Variants in GPR153 observed in about 807,000 individuals in gnomAD.
The protein encoded by GPR153 is G protein-coupled receptor 153.
GPR153 carries 27 observed loss-of-function variants against 34.1 expected under a neutral mutation model. That is an observed-to-expected ratio of 0.79 (90% CI 0.58 to 1.09). The LOEUF is 1.09. Ranked by LOEUF, GPR153 falls within the 50% of genes least tolerant of loss-of-function variation. The probability of loss-of-function intolerance (pLI) is 0.00; values close to 1 mark genes in which losing one functional copy is unlikely to be tolerated. For synonymous variants in GPR153, 408 were observed against 405.4 expected, an observed-to-expected ratio of 1.01 and a Z score of -0.08; for missense variants, 848 against 860.2, an observed-to-expected ratio of 0.99 and a Z score of 0.18.
rs1638596482 is a variant in GPR153, at chr1:6,257,798, G to A, written c.-109-2784C>T. ...CCATCCTGCCAGAGGGCTGGGCAGC[G>A]AGTCCTTCCCTCACCCTTCCCAGCC... On this transcript the variant is annotated intron_variant, in intron 1 of 5. Transcript: ENST00000377893. Among the ~76,000 whole-genome samples the A allele has an allele frequency of 3.3e-5, 5 of 152,246 alleles. 1 individual carries two copies. The South Asian group carries it at 8.3e-4, about 25-fold the overall frequency.
At position 6,261,055 on chromosome 1, in the gene GPR153, C is replaced by A. The variant is rs985402223; in HGVS notation, c.-340G>T. ...CCCCTAGGCGCCGCCGCCGCCGCCGCGCTTCGCTCAGCTCCCGCCGCTCCG... is the reference window on the plus strand; with the variant it reads ...CCCCTAGGCGCCGCCGCCGCCGCCGAGCTTCGCTCAGCTCCCGCCGCTCCG... On this transcript the variant is annotated 5_prime_UTR_variant, in exon 1 of 6. Transcript: ENST00000377893. 1 of 148,222 alleles carries A rather than the reference C, an allele frequency of 6.7e-6. No individual in the cohort carries two copies. The highest frequency in any genetic ancestry group is 6.7e-5 in the Admixed American group (1 of 14,896). The allele number at this position is 148,222 out of a possible 1,614,324, so 9.2% of individuals were successfully genotyped here. A position where few individuals can be genotyped will look rare whatever the true frequency, so the allele number is the denominator to read the frequency against.
At chr1:6,256,824 G>C (rs2057006) in intron 1 of GPR153, among the ~76,000 whole-genome samples, 86,495 of 151,980 alleles carry the variant, frequency 0.57, 26,690 homozygotes, top group Admixed American at 0.7. Flanking sequence ...TGTTCTTCAT[G>C]AGTTACTGCG....
intron 1 of GPR153, among the ~76,000 whole-genome samples, chr1:6,256,620 T>G (rs1364174360): frequency 1.3e-5 from 2 of 152,124 alleles, no homozygotes; most frequent in African/African-American, 2.4e-5. Context: ...CCTGCCCACT[T>G]CAGCCTCCCA....
Position 6,249,148 on chromosome 1 carries a change from C to T in GPR153, c.*190G>A. 4.8e-6 allele frequency: 2 copies of T among 416,116 alleles called. No individual in the cohort carries two copies. Among genetic ancestry groups the T allele is most frequent in the Non-Finnish European group, 4.1e-6 (1 of 246,840 alleles). The allele number at this position is 416,116 out of a possible 1,614,324, so 25.8% of individuals were successfully genotyped here. ...ACATGCGGTGCCCAGCGCAGTCGTC[C>T]GGGGCAGCCGTCGCCCCTGGGACAA... On this transcript the variant is annotated 3_prime_UTR_variant, in exon 6 of 6. Coordinates refer to ENST00000377893, the MANE Select transcript of GPR153 (RefSeq NM_207370.4). The surrounding 1 kb of genome is among the most constrained non-coding windows in gnomAD (Gnocchi z 4.3).
chr1:6,255,986 G>T (rs1337312499), intron 1 of GPR153, among the ~76,000 whole-genome samples: 2 of 152,248 alleles, frequency 1.3e-5, no homozygotes, highest in East Asian at 1.9e-4. Flanking sequence ...ATAGAGAAGG[G>T]GTCTTGCAGT....
rs1047910336 is a variant in GPR153 at position 6,251,806 on chromosome 1, G to A, written c.787-276C>T. Among the ~76,000 whole-genome samples, 1 of 152,130 alleles carries A rather than the reference G, an allele frequency of 6.6e-6. No homozygotes were observed. The highest frequency in any genetic ancestry group is 1.5e-5 in the Non-Finnish European group (1 of 68,008). ...GGGCATGGATTACCACCTCCTCCCC[G>A]CTTTGTTTTGAGACAGTCTCATTCT... On this transcript the variant is annotated intron_variant, in intron 3 of 5. Coordinates refer to ENST00000377893, the MANE Select transcript of GPR153 (RefSeq NM_207370.4). The surrounding 1 kb of genome is among the most constrained non-coding windows in gnomAD (Gnocchi z 4.9).
At chr1:6,258,276 C>T (rs1245055931) in intron 1 of GPR153, among the ~76,000 whole-genome samples, 4 of 152,128 alleles carry the variant, frequency 2.6e-5, no homozygotes, top group Non-Finnish European at 5.9e-5. Context: ...TACAGGTGCC[C>T]GCCACCACGC....
chr1:6,252,376 G>A (rs1557612850), intron 3 of GPR153, among the ~76,000 whole-genome samples: 1 of 152,224 alleles, frequency 6.6e-6, no homozygotes, highest in Non-Finnish European at 1.5e-5. Flanking sequence ...AGAGACGCAG[G>A]GGTGGTTCTG....
Position 6,254,627 on chromosome 1 carries a change from G to T in GPR153, c.279C>A (p.Leu93=), listed in dbSNP as rs759158629. 1 of 1,612,872 alleles carries T rather than the reference G, an allele frequency of 6.2e-7. No homozygotes were observed. The highest frequency in any genetic ancestry group is 8.5e-7 in the Non-Finnish European group (1 of 1,179,288). ...CKVFVSTFYT[L]TLATCFSVTS... is the part of the protein sequence containing the mutation. ...TGACAGAGAAACAGGTGGCCAGGGT[G>T]AGGGTGTAGAAGGTGGACACGAAGA... The change falls in exon 2 of 6, where the codon CTC becomes CTA. Residue 93 remains leucine (L), a synonymous_variant. Transcript: ENST00000377893.
chr1:6,260,168 G>T (rs1277116809), intron 1 of GPR153, among the ~76,000 whole-genome samples: 19 of 152,134 alleles, frequency 1.2e-4, no homozygotes, highest in African/African-American at 4.6e-4. Flanking sequence ...GCAACAAAGA[G>T]AACCCAGAAC....
At chr1:6,252,442 C>T (rs913228815) in intron 3 of GPR153, among the ~76,000 whole-genome samples, 1 of 152,166 alleles carries the variant, frequency 6.6e-6, no homozygotes, top group Non-Finnish European at 1.5e-5. Flanking sequence ...TCCCGAGGTG[C>T]CTTGTGGGTC....
Position 6,250,519 on chromosome 1 carries a change from T to C in GPR153, c.1085A>G (p.Glu362Gly). 6.2e-7 allele frequency: 1 copy of C among 1,609,026 alleles called. No individual in the cohort carries two copies. The highest frequency in any genetic ancestry group is 1.3e-5 in the African/African-American group (1 of 74,920). Residue 362 changes from glutamate to glycine, a missense_variant, in exon 5 of 6, where the codon GAG becomes GGG. Glu to Gly is a moderately conservative substitution (Grantham distance 98). Coordinates refer to ENST00000377893, the MANE Select transcript of GPR153 (RefSeq NM_207370.4). The stretch of plus-strand genomic sequence containing the variant: ...CAGGCCCCCCTCCAGGGCGGAGATC[T>C]CATACTTGGCCATCCTATCTAGGGC... ...FVALDRMAKY[E>G]ISALEGGLPQ...
Position 6,251,444 on chromosome 1 carries a change from C to T in GPR153, c.873G>A (p.Leu291=). ...AGGCCCAGAGGAACACAGGCAGCAG[C>T]AGGGCCTGGGCCACGGAGCACCACA... is the stretch of plus-strand genomic sequence containing the variant. ...CVLWCSVAQA[L]LLPVFLWACD... Residue 291 remains leucine (L), a synonymous_variant, in exon 4 of 6, where the codon CTG becomes CTA. Transcript: ENST00000377893. This position sits in a 1 kb window ranked among gnomAD's most constrained non-coding sequence, Gnocchi z 4.9. 1 of 1,613,426 alleles carries T rather than the reference C, an allele frequency of 6.2e-7. No homozygotes were observed. The highest frequency in any genetic ancestry group is 8.5e-7 in the Non-Finnish European group (1 of 1,179,982).
At chr1:6,257,482 G>A (rs187419902) in intron 1 of GPR153, among the ~76,000 whole-genome samples, 1 of 152,222 alleles carries the variant, frequency 6.6e-6, no homozygotes, top group Non-Finnish European at 1.5e-5. Context: ...CTGGGGCAAG[G>A]TCCCTGCACC....
chr1:6,256,743 C>T (rs1020147139), intron 1 of GPR153, among the ~76,000 whole-genome samples: 3 of 152,178 alleles, frequency 2.0e-5, no homozygotes, highest in Admixed American at 2.0e-4. Flanking sequence ...CTCAAGTGAT[C>T]CTCCCATCTA....
chr1:6,249,989 C>T lies in GPR153; in HGVS notation c.1179G>A (p.Arg393=). 3 of 1,262,160 alleles carry T rather than the reference C, an allele frequency of 2.4e-6. No homozygotes were observed. The highest frequency in any genetic ancestry group is 3.0e-6 in the Non-Finnish European group (3 of 997,344). The allele number at this position is 1,262,160 out of a possible 1,614,324, so 78.2% of individuals were successfully genotyped here. A position where few individuals can be genotyped will look rare whatever the true frequency, so the allele number is the denominator to read the frequency against. The change falls in exon 6 of 6, where the codon CGG becomes CGA. Residue 393 remains arginine (R), a synonymous_variant. Transcript: ENST00000377893. This position sits in a 1 kb window ranked among gnomAD's most constrained non-coding sequence, Gnocchi z 4.3. Reference sequence around the variant, plus strand: ...CGTCCGCATCGTCGTGGGAGAAGCGCCGCGTGGGCGGGACCTGTCAGGACG... The same window carrying T: ...CGTCCGCATCGTCGTGGGAGAAGCGTCGCGTGGGCGGGACCTGTCAGGACG... ...KMQYLQVPPT[R]RFSHDDADVW...
intron 1 of GPR153, among the ~76,000 whole-genome samples, chr1:6,257,012 G>A (rs1349503928): frequency 2.0e-5 from 3 of 152,152 alleles, no homozygotes; most frequent in Admixed American, 6.5e-5. Context: ...CAATAAGTGC[G>A]TATTCCCTCA....
chr1:6,255,027 G>A lies in GPR153; in HGVS notation c.-109-13C>T. On this transcript the variant is annotated splice_polypyrimidine_tract_variant and intron_variant, in intron 1 of 5. Coordinates refer to ENST00000377893, the MANE Select transcript of GPR153 (RefSeq NM_207370.4). The stretch of plus-strand genomic sequence containing the variant: ...GGACCACGAGCATCTGTGGGGGGGT[G>A]GCAGTGGGCACTCAGTGACTTCCTC... 4.7e-6 allele frequency: 3 copies of A among 641,650 alleles called. No individual in the cohort carries two copies. Among genetic ancestry groups the A allele is most frequent in the Non-Finnish European group, 7.6e-6 (3 of 393,754 alleles). 39.7% of individuals were successfully genotyped at this position (641,650 alleles called of 1,614,324 possible).
rs1277564347 is a variant in GPR153 at position 6,253,600 on chromosome 1, G to A, written c.786+118C>T. ...GTTTCCAAATCTGGAAAATGGGGACGATGATCAAGCCCATCTCAAAGGATT... is the reference window on the plus strand; with the variant it reads ...GTTTCCAAATCTGGAAAATGGGGACAATGATCAAGCCCATCTCAAAGGATT... On this transcript the variant is annotated intron_variant, in intron 3 of 5. Coordinates refer to ENST00000377893, the MANE Select transcript of GPR153 (RefSeq NM_207370.4). The A allele has an allele frequency of 1.2e-5, 11 of 930,472 alleles. No homozygotes were observed. The South Asian group carries it at 1.2e-4, about 10-fold the overall frequency. 57.6% of individuals were successfully genotyped at this position (930,472 alleles called of 1,614,324 possible).
Sources: allele counts gnomAD v4.1 joint callset (sites outside exome capture counted in the v4.1 genomes callset), GRCh38; gene constraint gnomAD v4.1.1; non-coding constraint Gnocchi (gnomAD v3.1); transcripts MANE v1.5; gene names NCBI Gene and HGNC (gene_info 2026-07-23, HGNC 2026-07-21).